HBS1L: variants seen among roughly 807,000 people sequenced by gnomAD.
HBS1L encodes the protein HBS1 like translational GTPase, also known as HBS1-like protein.
HBS1L carries 55 observed loss-of-function variants against 88.9 expected under a neutral mutation model. That is an observed-to-expected ratio of 0.62 (90% confidence interval 0.50 to 0.77). The LOEUF is 0.77. Among genes scored for constraint, HBS1L ranks in the 30% least tolerant of loss-of-function variants. HBS1L has a pLI of 0.00. For missense variants in HBS1L, 741 were observed against 829.3 expected, an observed-to-expected ratio of 0.89 and a Z score of 1.31; for synonymous variants, 267 against 288.5, an observed-to-expected ratio of 0.93 and a Z score of 0.76.
In HBS1L at chr6:134,995,004, T is replaced by C. The variant is rs1190880734; in HGVS notation, c.966-1129A>G. ...GCAATAAAGTAACTGTAGGTCTCCT[T>C]AGTCAAGCCATTTTAGCTTAATCTG... On this transcript the variant is annotated intron_variant, in intron 7 of 17. Transcript: ENST00000367837. 2.6e-5 allele frequency among the ~76,000 whole-genome samples: 4 copies of C among 152,138 alleles called. No individual in the cohort carries two copies. In the East Asian group the frequency reaches 7.7e-4, roughly 29 times the overall value.
chr6:134,975,118 T>C (rs1409141060), intron 15 of HBS1L, among the ~76,000 whole-genome samples: 1 of 152,102 alleles, frequency 6.6e-6, no homozygotes, highest in Non-Finnish European at 1.5e-5. Flanking sequence ...ACGATCAAGC[T>C]GAGAATCAAA....
At chr6:135,042,987 T>C (rs907989153) in intron 2 of HBS1L, among the ~76,000 whole-genome samples, 1 of 152,226 alleles carries the variant, frequency 6.6e-6, no homozygotes, top group Non-Finnish European at 1.5e-5. Flanking sequence ...TACCTAACTT[T>C]AACTTTCAGA....
chr6:135,037,766 T>A, intron 4 of HBS1L: 1 of 1,550,660 alleles, frequency 6.4e-7, no homozygotes. Context: ...TCTCTTGACA[T>A]ATCATGAATT....
intron 8 of HBS1L, among the ~76,000 whole-genome samples, chr6:134,992,257 T>C (rs561027941): frequency 1.3e-5 from 2 of 152,286 alleles, no homozygotes; most frequent in Non-Finnish European, 2.9e-5. Flanking sequence ...GTTACGGTGA[T>C]GCACAGCATA....
intron 11 of HBS1L, 80 bp downstream of exon 11, chr6:134,985,986 A>T: frequency 1.4e-6 from 1 of 708,266 alleles, no homozygotes; most frequent in Non-Finnish European, 2.5e-6. Flanking sequence ...CATACGTGTG[A>T]CTCTCTCCCA....
At chr6:135,008,559 G>A (rs1775676278) in intron 4 of HBS1L, among the ~76,000 whole-genome samples, 1 of 152,140 alleles carries the variant, frequency 6.6e-6, no homozygotes, top group Admixed American at 6.5e-5. Flanking sequence ...GTTCCTTCCT[G>A]CGGCTAAGAT....
Position 134,996,836 on chromosome 6 carries a change from A to T in HBS1L, c.906T>A (p.Ala302=), listed in dbSNP as rs1206263261. ...MHKYEQESKK[A]GKASFAYAWV... is the part of the protein sequence containing the mutation. ...ATGCATATGCAAACGAAGCTTTGCCAGCCTTTTTAGACTCCTGTTCATACT... is the reference window on the plus strand; with the variant it reads ...ATGCATATGCAAACGAAGCTTTGCCTGCCTTTTTAGACTCCTGTTCATACT... The change falls in exon 7 of 18, where the codon GCT becomes GCA. Residue 302 remains alanine (A), a synonymous_variant. Transcript: ENST00000367837. 2 of 1,612,180 alleles carry T rather than the reference A, an allele frequency of 1.2e-6. No individual in the cohort carries two copies. The highest frequency in any genetic ancestry group is 1.7e-6 in the Non-Finnish European group (2 of 1,179,282).
chr6:135,030,702 A>C (rs1382754358), intron 4 of HBS1L, among the ~76,000 whole-genome samples: 1 of 152,244 alleles, frequency 6.6e-6, no homozygotes, highest in African/African-American at 2.4e-5. Flanking sequence ...AACAATAAAG[A>C]TGTAACAATA....
chr6:135,006,557 C>T (rs1384778180), intron 4 of HBS1L, among the ~76,000 whole-genome samples: 1 of 151,608 alleles, frequency 6.6e-6, no homozygotes, highest in Non-Finnish European at 1.5e-5. Flanking sequence ...GAATAGAAAT[C>T]AAGGGGGGGA....
chr6:134,978,764 G>T lies in HBS1L; in HGVS notation c.1712C>A (p.Pro571His). Residue 571 changes from proline (P) to histidine (H), a missense_variant, in exon 15 of 18, where the codon CCC becomes CAC. Around this residue, in one of 3 missense-constraint regions of HBS1L, gnomAD observed 181 missense variants for 212.7 expected, o/e 0.85. Coordinates refer to ENST00000367837, the MANE Select transcript of HBS1L (RefSeq NM_006620.4). ...KINVGCIFCG[P>H]KVPIKACTRF... ...AGTGCAAGCTTTAATGGGTACTTTG[G>T]GGCCACAAAATATGCAGCCAACACT... 1 of 1,606,556 alleles carries T rather than the reference G, an allele frequency of 6.2e-7. No homozygotes were observed.
intron 4 of HBS1L, among the ~76,000 whole-genome samples, chr6:135,025,876 T>C (rs926546007): frequency 2.0e-5 from 3 of 151,650 alleles, no homozygotes; most frequent in Non-Finnish European, 2.9e-5. Flanking sequence ...TAAAAACAAA[T>C]AGGAGGAAAA....
chr6:135,053,831 T>C (rs774511333), intron 1 of HBS1L, among the ~76,000 whole-genome samples: 7 of 152,256 alleles, frequency 4.6e-5, no homozygotes, highest in Non-Finnish European at 8.8e-5. Context: ...CCTATAGTTA[T>C]CTACTGCATG....
In HBS1L at chr6:134,983,594, C is replaced by T. The variant is rs548686569; in HGVS notation, c.1493-1032G>A. 2.0e-5 allele frequency: 3 copies of T among 152,210 alleles called. No homozygotes were observed. In the South Asian group the frequency reaches 6.2e-4, roughly 32 times the overall value. The allele number at this position is 152,210 out of a possible 1,614,324, so 9.4% of individuals were successfully genotyped here. A position where few individuals can be genotyped will look rare whatever the true frequency, so the allele number is the denominator to read the frequency against. ...TGCAGAAGTTGCATTCCGGGGGGAC[C>T]AATCACACCACATTCCATGAGAATG... On this transcript the variant is annotated intron_variant, in intron 12 of 17. Transcript: ENST00000367837.
rs367652615 is a variant in HBS1L, at chr6:135,037,140, T to C, written c.430+2433A>G. 7.1e-5 allele frequency: 110 copies of C among 1,551,680 alleles called. No homozygotes were observed. In the African/African-American group the frequency reaches 1.1e-3, roughly 16 times the overall value. On this transcript the variant is annotated intron_variant, in intron 4 of 17. Coordinates refer to ENST00000367837, the MANE Select transcript of HBS1L (RefSeq NM_006620.4). ...CTCTTGTGGGAGAAGCTTTATGAAA[T>C]GCCAATGACGACAGAGATCCTGTTA...
chr6:135,051,614 T>TA (rs1777086906), intron 1 of HBS1L, among the ~76,000 whole-genome samples: 1 of 152,204 alleles, frequency 6.6e-6, no homozygotes, highest in African/African-American at 2.4e-5. Context: ...CTGCTACTGT[T>TA]ACCCTCCAGC....
At chr6:135,037,270 T>G (rs763532057) in intron 4 of HBS1L, 8 of 1,551,784 alleles carry the variant, frequency 5.2e-6, no homozygotes, top group Non-Finnish European at 6.1e-6. Context: ...GTTACAAAGG[T>G]CAGATAAAGT....
intron 4 of HBS1L, among the ~76,000 whole-genome samples, chr6:135,008,220 T>C (rs1018076058): frequency 5.9e-5 from 9 of 152,214 alleles, no homozygotes; most frequent in South Asian, 2.1e-4. Flanking sequence ...GTCTCTAGAA[T>C]AGAGAAGAAC....
intron 7 of HBS1L, 144 bp from the exon 8 acceptor site, chr6:134,994,019 T>C (rs1390141608): frequency 7.2e-6 from 3 of 419,434 alleles, no homozygotes; most frequent in Non-Finnish European, 1.3e-5. Flanking sequence ...AATTAAATTA[T>C]CAATCGGGGC....
In HBS1L at chr6:135,002,796, C is replaced by T; in HGVS notation, c.477G>A (p.Val159=). The T allele has an allele frequency of 1.9e-6, 3 of 1,613,284 alleles. No homozygotes were observed. The highest frequency in any genetic ancestry group is 1.7e-6 in the Non-Finnish European group (2 of 1,179,506). Residue 159 remains valine, a synonymous_variant, in exon 5 of 18, where the codon GTG becomes GTA. Coordinates refer to ENST00000367837, the MANE Select transcript of HBS1L (RefSeq NM_006620.4). Reference sequence around the variant, plus strand: ...ATACAGTCATTTTAGCAACTTTTGGCACAATTTCAGATTCACTTCGCGATG... The same window carrying T: ...ATACAGTCATTTTAGCAACTTTTGGTACAATTTCAGATTCACTTCGCGATG... ...SQTSRSESEI[V]PKVAKMTVSG...
Sources: gnomAD v4.1 joint callset for allele counts (sites outside exome capture counted in the v4.1 genomes callset) on GRCh38, gnomAD v4.1.1 for gene constraint, gnomAD v4.1.1 regional missense constraint, MANE v1.5 for transcripts, NCBI Gene and HGNC (gene_info 2026-07-23, HGNC 2026-07-21) for gene names.